The following DZIP1L variants were observed in gnomAD, a reference collection of about 807,000 sequenced individuals.
DZIP1L encodes DAZ interacting zinc finger protein 1 like, also known as cilium assembly protein DZIP1L.
DZIP1L carries 90 observed loss-of-function variants against 88.7 expected under a neutral mutation model. The observed-to-expected ratio is 1.02, with a 90% CI of 0.86 to 1.21. DZIP1L has a LOEUF of 1.21. Ranked by LOEUF, DZIP1L falls within the 50% of genes most tolerant of loss-of-function variation. The pLI is 0.00. For synonymous variants in DZIP1L, 363 were observed against 372.1 expected, an observed-to-expected ratio of 0.98 and a Z score of 0.28; for missense variants, 932 against 955.8, an observed-to-expected ratio of 0.98 and a Z score of 0.33.
At chr3:138,067,926 CG>C (rs1559822759) in intron 13 of DZIP1L, among the ~76,000 whole-genome samples, 2 of 151,984 alleles carry the variant, frequency 1.3e-5, no homozygotes, top group African/African-American at 2.4e-5. Context: ...GGAGGGGGAA[CG>C]GGTTTGGGGG....
At chr3:138,105,694 T>C (rs1418812739) in intron 1 of DZIP1L, among the ~76,000 whole-genome samples, 1 of 152,080 alleles carries the variant, frequency 6.6e-6, no homozygotes, top group Non-Finnish European at 1.5e-5. Flanking sequence ...GTTGAATCTG[T>C]GGATGCAGAT....
At chr3:138,083,767 G>A (rs769696578) in intron 8 of DZIP1L, among the ~76,000 whole-genome samples, 5 of 152,176 alleles carry the variant, frequency 3.3e-5, no homozygotes, top group African/African-American at 9.7e-5. Context: ...ACCATCTGTC[G>A]AATGAAGATG....
At chr3:138,080,066 G>C (rs756886838) in intron 10 of DZIP1L, among the ~76,000 whole-genome samples, 2 of 152,174 alleles carry the variant, frequency 1.3e-5, no homozygotes, top group Non-Finnish European at 2.9e-5. Flanking sequence ...TCACTGGATA[G>C]GGTGAATAAA....
At chr3:138,069,115 C>A in intron 12 of DZIP1L, 1 of 789,186 alleles carries the variant, frequency 1.3e-6, no homozygotes, top group Non-Finnish European at 2.1e-6. Flanking sequence ...CCGACTCTGC[C>A]ACCCGTGAGA....
intron 5 of DZIP1L, among the ~76,000 whole-genome samples, chr3:138,089,949 C>A (rs1944125995): frequency 6.6e-6 from 1 of 151,884 alleles, no homozygotes; most frequent in Non-Finnish European, 1.5e-5. Context: ...AGGAGGCCAG[C>A]CTGGGTAACA....
rs1046230420 is a variant in DZIP1L, at chr3:138,104,010, G to A, written c.-39C>T. The A allele has an allele frequency of 1.9e-6, 3 of 1,575,398 alleles. No individual in the cohort carries two copies. The highest frequency in any genetic ancestry group is 2.6e-6 in the Non-Finnish European group (3 of 1,167,490). On this transcript the variant is annotated 5_prime_UTR_variant, in exon 2 of 16. Coordinates refer to ENST00000327532, the MANE Select transcript of DZIP1L (RefSeq NM_173543.3). ...CCTGAGCTGACCACCAGAGGAGGGG[G>A]GCACCAAGGCCACGGCAGTAGGCCA...
chr3:138,082,710 C>T (rs1472254855), intron 8 of DZIP1L, among the ~76,000 whole-genome samples: 1 of 152,188 alleles, frequency 6.6e-6, no homozygotes, highest in Admixed American at 6.5e-5. Flanking sequence ...GTATCCATTC[C>T]CCACTGCTGT....
At chr3:138,085,802 G>A (rs1207295222) in intron 7 of DZIP1L, among the ~76,000 whole-genome samples, 11 of 152,140 alleles carry the variant, frequency 7.2e-5, no homozygotes, top group South Asian at 6.2e-4. Flanking sequence ...AAAGACACAC[G>A]CACACGTATG....
At chr3:138,108,326 G>T in intron 1 of DZIP1L, 1 of 631,342 alleles carries the variant, frequency 1.6e-6, no homozygotes, top group Non-Finnish European at 2.0e-6. Context: ...GCTTCCTGAT[G>T]TCCCAGCTCT....
rs777593285 is a variant in DZIP1L at position 138,077,507 on chromosome 3, T to A, written c.1414A>T (p.Ile472Leu). Residue 472 changes from isoleucine to leucine, a missense_variant, in exon 11 of 16, where the codon ATA becomes TTA. Transcript: ENST00000327532. ...TLEEKLESMG[I>L]RKDAKGISIQ... ...ATGGCCCTGAAACTCACCTTCCTTA[T>A]CCCCATGCTTTCGAGCTTCTCTTCC... 2 of 1,614,170 alleles carry A rather than the reference T, an allele frequency of 1.2e-6. No homozygotes were observed. Among genetic ancestry groups the A allele is most frequent in the Admixed American group, 3.3e-5 (2 of 60,022 alleles).
chr3:138,083,895 C>T (rs2107781864), intron 8 of DZIP1L, among the ~76,000 whole-genome samples: 1 of 152,336 alleles, frequency 6.6e-6, no homozygotes, highest in Non-Finnish European at 1.5e-5. Context: ...GTGGCCCCAT[C>T]TGCCAGCAGC....
rs959360563 is a variant in DZIP1L at position 138,063,209 on chromosome 3, A to G, written c.2143-232T>C. ...TTTCAAATACCCCTGAAATTCTACT[A>G]ACCAAACCCAGGCAAGTGCCTTGGA... On this transcript the variant is annotated intron_variant, in intron 15 of 15. Transcript: ENST00000327532. The surrounding 1 kb of genome is among the most constrained non-coding windows in gnomAD (Gnocchi z 4.1). 6.6e-6 allele frequency among the ~76,000 whole-genome samples: 1 copy of G among 152,118 alleles called. No homozygotes were observed. The highest frequency in any genetic ancestry group is 1.9e-4 in the East Asian group (1 of 5,192).
chr3:138,070,510 C>T (rs919532108), intron 12 of DZIP1L, among the ~76,000 whole-genome samples: 10 of 152,138 alleles, frequency 6.6e-5, no homozygotes, highest in African/African-American at 2.4e-4. Context: ...AATGACAATG[C>T]TTTTAAGCAC....
intron 1 of DZIP1L, among the ~76,000 whole-genome samples, chr3:138,109,154 T>A (rs751219252): frequency 9.2e-5 from 14 of 152,248 alleles, no homozygotes; most frequent in Non-Finnish European, 1.6e-4. Context: ...CTTCCAAAAG[T>A]ACCTCTCTAG....
intron 12 of DZIP1L, chr3:138,069,190 T>A (rs1453785988): frequency 4.4e-6 from 3 of 674,964 alleles, no homozygotes; most frequent in Non-Finnish European, 8.1e-6. Flanking sequence ...ATAACAAGGA[T>A]GAAGTCCTTT....
chr3:138,069,354 T>C (rs1276891600), intron 12 of DZIP1L, among the ~76,000 whole-genome samples: 1 of 152,236 alleles, frequency 6.6e-6, no homozygotes, highest in Non-Finnish European at 1.5e-5. Context: ...GTCCATATTG[T>C]CGGTAAGACT....
At chr3:138,090,388 C>A (rs778577052) in intron 5 of DZIP1L, among the ~76,000 whole-genome samples, 9 of 152,080 alleles carry the variant, frequency 5.9e-5, no homozygotes, top group Non-Finnish European at 1.3e-4. Context: ...GCTAGCACTG[C>A]GTCGGGGAAG....
Position 138,071,691 on chromosome 3 carries a change from T to G in DZIP1L, c.1567A>C (p.Arg523=), listed in dbSNP as rs766608532. 1 of 1,614,184 alleles carries G rather than the reference T, an allele frequency of 6.2e-7. No homozygotes were observed. The highest frequency in any genetic ancestry group is 1.1e-5 in the South Asian group (1 of 91,074). ...VKEVTSRAKE[R]QENGAVVSQP... ...GACACCACAGCGCCATTCTCCTGTC[T>G]CTCCTTCGCTCTGCTGGTGACTTCC... Residue 523 remains arginine (R), a synonymous_variant, in exon 12 of 16, where the codon AGA becomes CGA. Coordinates refer to ENST00000327532, the MANE Select transcript of DZIP1L (RefSeq NM_173543.3).
chr3:138,092,632 G>T lies in DZIP1L; in HGVS notation c.709-88C>A, dbSNP rs1944293364. The T allele has an allele frequency of 3.7e-6, 5 of 1,346,634 alleles. No homozygotes were observed. In the East Asian group the frequency reaches 9.9e-5, roughly 27 times the overall value. 83.4% of individuals were successfully genotyped at this position (1,346,634 alleles called of 1,614,324 possible). ...AACCTACTTAGGCCTCCTTGTCTAT[G>T]CAAGTCACTATGGAGACCCAAAGAG... On this transcript the variant is annotated intron_variant, in intron 4 of 15. Coordinates refer to ENST00000327532, the MANE Select transcript of DZIP1L (RefSeq NM_173543.3).
Sources: allele counts gnomAD v4.1 joint callset (sites outside exome capture counted in the v4.1 genomes callset), GRCh38; gene constraint gnomAD v4.1.1; non-coding constraint Gnocchi (gnomAD v3.1); transcripts MANE v1.5; gene names NCBI Gene and HGNC (gene_info 2026-07-23, HGNC 2026-07-21).